The following SNX30 variants were observed in gnomAD, a reference collection of about 807,000 sequenced individuals.
SNX30 encodes sorting nexin-30.
A neutral mutation model predicts 46.4 loss-of-function variants in SNX30; 24 were observed. That is an observed-to-expected ratio of 0.52 (90% CI 0.37 to 0.73). The LOEUF is 0.73. SNX30 is among the 30% of genes least tolerant of loss of function. The pLI, the probability that SNX30 is intolerant of heterozygous loss-of-function variation, is 0.00. For synonymous variants in SNX30, 189 were observed against 211.5 expected (o/e 0.89, Z 0.92); for missense variants, 533 against 555.7 (o/e 0.96, Z 0.41).
At chr9:112,790,704 A>G (rs1038850051) in intron 1 of SNX30, among the ~76,000 whole-genome samples, 14 of 152,224 alleles carry the variant, frequency 9.2e-5, no homozygotes, top group Non-Finnish European at 1.8e-4. Context: ...ATGAACACTA[A>G]TGCAATCTAC....
At chr9:112,782,539 T>A (rs1224745650) in intron 1 of SNX30, among the ~76,000 whole-genome samples, 1 of 152,252 alleles carries the variant, frequency 6.6e-6, no homozygotes, top group Non-Finnish European at 1.5e-5. Flanking sequence ...GTACTCATTT[T>A]TTTAACCTTT....
At chr9:112,781,056 G>T (rs1409980217) in intron 1 of SNX30, among the ~76,000 whole-genome samples, 1 of 152,126 alleles carries the variant, frequency 6.6e-6, no homozygotes, top group Admixed American at 6.5e-5. Flanking sequence ...TGCTCTTTTG[G>T]CACTGAATGG....
intron 1 of SNX30, among the ~76,000 whole-genome samples, chr9:112,771,952 G>C (rs1425904866): frequency 1.3e-5 from 2 of 152,264 alleles, no homozygotes; most frequent in East Asian, 1.9e-4. Context: ...GTTCTGGCTT[G>C]AGACATTCTT....
At chr9:112,865,191 C>T (rs1841304090) in intron 8 of SNX30, among the ~76,000 whole-genome samples, 1 of 147,920 alleles carries the variant, frequency 6.8e-6, no homozygotes, top group African/African-American at 2.5e-5. Context: ...CACCCACACA[C>T]CACACCCACA....
chr9:112,773,146 G>C (rs1228069609), intron 1 of SNX30, among the ~76,000 whole-genome samples: 12 of 152,218 alleles, frequency 7.9e-5, no homozygotes, highest in Admixed American at 7.9e-4. Context: ...GCTGCGTAGA[G>C]AGAATAGAGC....
intron 1 of SNX30, among the ~76,000 whole-genome samples, chr9:112,758,753 G>A (rs1376763631): frequency 1.3e-5 from 2 of 152,164 alleles, no homozygotes; most frequent in Non-Finnish European, 2.9e-5. Context: ...GCTCTTGCCT[G>A]TAATCTCAGC....
upstream of SNX30, chr9:112,750,587 C>T (rs1237633790): frequency 1.3e-5 from 2 of 152,564 alleles, no homozygotes. Flanking sequence ...CGCAGAGGCC[C>T]AGGGCGCACT....
Position 112,832,481 on chromosome 9 carries a change from T to A in SNX30, c.618+1598T>A, listed in dbSNP as rs1352140774. ...GAGAGTGTGTGTGTGTGTGTGTGTG[T>A]GTGTGTGTGTGTGTGAGAGAGAGAG... is the stretch of plus-strand genomic sequence containing the variant. On this transcript the variant is annotated intron_variant, in intron 4 of 8. Transcript: ENST00000374232. Among the ~76,000 whole-genome samples the A allele has an allele frequency of 8.4e-4, 108 of 128,578 alleles. 1 individual carries two copies. The highest frequency in any genetic ancestry group is 1.2e-3 in the Non-Finnish European group (73 of 63,040). The allele number at this position is 128,578 out of a possible 152,430, so 84.4% of individuals were successfully genotyped here.
intron 6 of SNX30, among the ~76,000 whole-genome samples, chr9:112,839,554 C>T (rs1474880210): frequency 6.6e-6 from 1 of 152,198 alleles, no homozygotes; most frequent in East Asian, 1.9e-4. Context: ...CCAGTGCCCA[C>T]ACTGGAAACT....
intron 1 of SNX30, among the ~76,000 whole-genome samples, chr9:112,769,857 T>C (rs1287466558): frequency 1.3e-5 from 2 of 152,136 alleles, no homozygotes; most frequent in African/African-American, 4.8e-5. Flanking sequence ...AAGCTAGTTA[T>C]CTAGCTCACT....
At chr9:112,864,224 C>A (rs745665770) in intron 7 of SNX30, 23 bp from the exon 8 acceptor site, 18 of 1,612,264 alleles carry the variant, frequency 1.1e-5, no homozygotes, top group Non-Finnish European at 1.4e-5. Context: ...TGCAGGGCAC[C>A]CATGTGTGCC....
At chr9:112,793,125 G>A (rs545013663) in intron 1 of SNX30, among the ~76,000 whole-genome samples, 9 of 152,256 alleles carry the variant, frequency 5.9e-5, no homozygotes, top group African/African-American at 1.4e-4. Flanking sequence ...CAGAACAAGT[G>A]GATTATATTG....
At chr9:112,790,588 G>A (rs932458766) in intron 1 of SNX30, among the ~76,000 whole-genome samples, 2 of 152,198 alleles carry the variant, frequency 1.3e-5, no homozygotes, top group Admixed American at 6.5e-5. Flanking sequence ...AGCAAGTCAC[G>A]TGTCCAAGGC....
intron 1 of SNX30, among the ~76,000 whole-genome samples, chr9:112,792,433 A>AT (rs1272590752): frequency 6.6e-6 from 1 of 151,892 alleles, no homozygotes; most frequent in Non-Finnish European, 1.5e-5. Context: ...CTCTTTTTTT[A>AT]TTTTTTATTG....
At chr9:112,815,871 C>G (rs1183014439) in intron 2 of SNX30, among the ~76,000 whole-genome samples, 1 of 152,124 alleles carries the variant, frequency 6.6e-6, no homozygotes, top group Non-Finnish European at 1.5e-5. Flanking sequence ...GAGACAAGGT[C>G]TCACTCTGTC....
downstream of SNX30, chr9:112,885,144 T>C (rs1358039767): frequency 2.6e-5 from 4 of 152,170 alleles, no homozygotes; most frequent in African/African-American, 7.2e-5. Context: ...TCCTATCTTA[T>C]TTTTCTCAAT....
intron 1 of SNX30, among the ~76,000 whole-genome samples, chr9:112,781,778 C>T (rs1049976693): frequency 4.6e-5 from 7 of 151,504 alleles, no homozygotes; most frequent in Non-Finnish European, 8.8e-5. Context: ...ATTACAGGTG[C>T]CCACCACCAC....
chr9:112,784,171 C>T (rs1388693327), intron 1 of SNX30, among the ~76,000 whole-genome samples: 1 of 152,142 alleles, frequency 6.6e-6, no homozygotes, highest in East Asian at 1.9e-4. Flanking sequence ...ATTGACAACA[C>T]CTCTCATCTG....
At chr9:112,778,802 G>T (rs1839793026) in intron 1 of SNX30, among the ~76,000 whole-genome samples, 1 of 151,994 alleles carries the variant, frequency 6.6e-6, no homozygotes, top group Admixed American at 6.6e-5. Flanking sequence ...TTATGGTTCA[G>T]TGCCAGAGGC....
Sources: allele counts gnomAD v4.1 joint callset (sites outside exome capture counted in the v4.1 genomes callset), GRCh38; gene constraint gnomAD v4.1.1; transcripts MANE v1.5; gene names NCBI Gene and HGNC (gene_info 2026-07-23, HGNC 2026-07-21).